FRMD5: variants seen among roughly 807,000 people sequenced by gnomAD.
FRMD5 encodes FERM domain containing 5, also known as FERM domain-containing protein 5.
A neutral mutation model predicts 69.0 loss-of-function variants in FRMD5; 20 were observed. The ratio of observed to expected loss-of-function variants is 0.29; its 90% CI spans 0.20 to 0.42. FRMD5 has a LOEUF of 0.42. Ranked by LOEUF, FRMD5 falls within the 10% of genes least tolerant of loss-of-function variation. The probability of loss-of-function intolerance (pLI) is 1.00; values close to 1 mark genes in which losing one functional copy is unlikely to be tolerated. For missense variants in FRMD5, 595 were observed against 708.6 expected (o/e 0.84, Z 1.82); for synonymous variants, 271 against 260.1 (o/e 1.04, Z -0.40).
At chr15:44,018,100 G>T (rs1361395502) in intron 1 of FRMD5, among the ~76,000 whole-genome samples, 1 of 152,136 alleles carries the variant, frequency 6.6e-6, no homozygotes, top group Non-Finnish European at 1.5e-5. Context: ...TAGGCAGCAG[G>T]ATTATTTAAG....
At chr15:44,090,209 G>A (rs1349930193) in intron 1 of FRMD5, among the ~76,000 whole-genome samples, 1 of 152,058 alleles carries the variant, frequency 6.6e-6, no homozygotes, top group African/African-American at 2.4e-5. Context: ...TAAGCTGCAA[G>A]GTCATAAGCA....
At chr15:44,196,740 CTCTCTCTCTCTT>C (rs1195149398), upstream of FRMD5, among the ~76,000 whole-genome samples, 1 of 104,402 alleles carries the variant, frequency 9.6e-6, no homozygotes, top group East Asian at 2.3e-4. Context: ...CATTCTCTCT[CTCTCTCTCTCTT>C]TCTCTCTCTC....
At chr15:44,123,367 T>A (rs1354343748) in intron 1 of FRMD5, among the ~76,000 whole-genome samples, 2 of 150,618 alleles carry the variant, frequency 1.3e-5, no homozygotes. Context: ...TGATATGGCA[T>A]AGGGTTAAAG....
At chr15:43,995,415 G>A (rs1055712780) in intron 1 of FRMD5, among the ~76,000 whole-genome samples, 3 of 152,326 alleles carry the variant, frequency 2.0e-5, no homozygotes, top group Middle Eastern at 6.8e-3. Context: ...TGGTGCTGGG[G>A]TGTGCCTGGA....
chr15:43,942,357 T>G (rs559907939), intron 1 of FRMD5, among the ~76,000 whole-genome samples: 1 of 152,354 alleles, frequency 6.6e-6, no homozygotes, highest in East Asian at 1.9e-4. Context: ...GTACAAGGAC[T>G]GCTGCTGAGC....
rs116682048 is a variant in FRMD5, at chr15:43,898,619, A to T, written c.639+3556T>A. ...TGCTGCAGGAGACCCAGGCCAAACC[A>T]CCAGTCTCAGGGCTACCTGGATGGA... On this transcript the variant is annotated intron_variant, in intron 7 of 13. Transcript: ENST00000417257. 3.8e-3 allele frequency among the ~76,000 whole-genome samples: 585 copies of T among 152,312 alleles called. 4 individuals are homozygous for T. Among genetic ancestry groups the T allele is most frequent in the African/African-American group, 0.013 (555 of 41,568 alleles).
chr15:43,894,306 T>C (rs1214408504), intron 7 of FRMD5, among the ~76,000 whole-genome samples: 1 of 152,042 alleles, frequency 6.6e-6, no homozygotes, highest in Non-Finnish European at 1.5e-5. Flanking sequence ...CTGCTCACTG[T>C]GCAAGCAGGA....
chr15:44,076,788 GA>G (rs199532482), intron 1 of FRMD5, among the ~76,000 whole-genome samples: 2,849 of 140,150 alleles, frequency 0.02, 73 homozygotes, highest in African/African-American at 0.06. Flanking sequence ...AAAAAGAAAA[GA>G]AAAAAAAAAA....
At chr15:44,134,529 AC>A (rs2077153346) in intron 1 of FRMD5, among the ~76,000 whole-genome samples, 1 of 151,906 alleles carries the variant, frequency 6.6e-6, no homozygotes, top group Non-Finnish European at 1.5e-5. Flanking sequence ...GCTCACTGCA[AC>A]CTCCGCCTCC....
At chr15:43,897,849 A>AT (rs1157198253) in intron 7 of FRMD5, among the ~76,000 whole-genome samples, 1 of 152,108 alleles carries the variant, frequency 6.6e-6, no homozygotes, top group Non-Finnish European at 1.5e-5. Context: ...CAGTTTCCCC[A>AT]TGCTGTTCTC....
chr15:44,004,522 T>A (rs1432538345), intron 1 of FRMD5, among the ~76,000 whole-genome samples: 1 of 152,224 alleles, frequency 6.6e-6, no homozygotes, highest in Non-Finnish European at 1.5e-5. Context: ...TTATTTTTTC[T>A]TACAGTGATC....
intron 1 of FRMD5, chr15:44,063,675 G>A (rs1292449484): frequency 2.5e-6 from 1 of 405,908 alleles, no homozygotes; most frequent in East Asian, 7.0e-5. Context: ...CCCATAGCAA[G>A]TTCCACAGCA....
chr15:43,947,685 G>C lies in FRMD5; in HGVS notation c.103-23376C>G, dbSNP rs529329425. Among the ~76,000 whole-genome samples the C allele has an allele frequency of 1.6e-3, 243 of 152,274 alleles. 1 individual carries two copies. Among genetic ancestry groups the C allele is most frequent in the Middle Eastern group, 0.01 (3 of 294 alleles). ...AAGGCAGGGAGGAATGCCACACCCA[G>C]GGAGACAGCACAGGTGCACTTTATA... On this transcript the variant is annotated intron_variant, in intron 1 of 13. Coordinates refer to ENST00000417257, the MANE Select transcript of FRMD5 (RefSeq NM_032892.5).
At chr15:44,072,756 T>C (rs905531094) in intron 1 of FRMD5, among the ~76,000 whole-genome samples, 1 of 152,152 alleles carries the variant, frequency 6.6e-6, no homozygotes, top group African/African-American at 2.4e-5. Context: ...CTTTCAAAGA[T>C]AAAATTGTCC....
intron 1 of FRMD5, among the ~76,000 whole-genome samples, chr15:44,118,911 G>A (rs765924280): frequency 1.1e-4 from 16 of 152,086 alleles, no homozygotes; most frequent in Non-Finnish European, 1.8e-4. Flanking sequence ...GAGTAACTGG[G>A]ACTACAGGTT....
At chr15:43,904,120 G>C (rs1235651609) in intron 6 of FRMD5, among the ~76,000 whole-genome samples, 2 of 152,186 alleles carry the variant, frequency 1.3e-5, no homozygotes, top group Non-Finnish European at 2.9e-5. Flanking sequence ...CACAAGGCAT[G>C]GGCAGAGGGG....
intron 13 of FRMD5, among the ~76,000 whole-genome samples, chr15:43,879,027 C>T (rs1380157582): frequency 6.6e-6 from 1 of 150,628 alleles, no homozygotes; most frequent in Non-Finnish European, 1.5e-5. Context: ...AGCCTCCGAC[C>T]CCCGGGTTCA....
At chr15:44,058,655 G>A (rs1349847778) in intron 1 of FRMD5, among the ~76,000 whole-genome samples, 1 of 151,864 alleles carries the variant, frequency 6.6e-6, no homozygotes, top group African/African-American at 2.4e-5. Context: ...GCGTGGTGGC[G>A]GGTGCCTGTA....
At chr15:43,876,154 G>A (rs1289561376) in intron 13 of FRMD5, 6 of 1,589,308 alleles carry the variant, frequency 3.8e-6, no homozygotes, top group Non-Finnish European at 5.2e-6. Context: ...CCACCTTTGG[G>A]ACCTTGAGCC....
Sources: allele counts gnomAD v4.1 joint callset (sites outside exome capture counted in the v4.1 genomes callset), GRCh38; gene constraint gnomAD v4.1.1; transcripts MANE v1.5; gene names NCBI Gene and HGNC (gene_info 2026-07-23, HGNC 2026-07-21).